Variants in ALDH6A1 observed in about 807,000 individuals in gnomAD.
The protein encoded by ALDH6A1 is aldehyde dehydrogenase 6 family member A1, also known as methylmalonate-semialdehyde/malonate-semialdehyde dehydrogenase [acylating], mitochondrial.
In ALDH6A1, 43 loss-of-function variants were observed where a neutral mutation model predicts 62.6. The observed-to-expected ratio is 0.69, with a 90% CI of 0.54 to 0.89. ALDH6A1 has a LOEUF of 0.89. Ranked by LOEUF, ALDH6A1 falls within the 40% of genes least tolerant of loss-of-function variation. ALDH6A1 has a pLI of 0.00. For synonymous variants in ALDH6A1, 194 were observed against 234.2 expected (o/e 0.83, Z 1.57); for missense variants, 551 against 661.3 (o/e 0.83, Z 1.83).
chr14:74,064,551 G>C, intron 11 of ALDH6A1: 1 of 772,422 alleles, frequency 1.3e-6, no homozygotes, highest in South Asian at 1.5e-5. Context: ...AGATGGGGAA[G>C]AGGGTCACAC....
At chr14:74,069,072 A>G in intron 6 of ALDH6A1, 91 bp from the exon 7 acceptor site, 1 of 1,217,614 alleles carries the variant, frequency 8.2e-7, no homozygotes, top group Admixed American at 2.0e-5. Flanking sequence ...ATGGATTTGA[A>G]GTTTTCCTGT....
At position 74,072,540 on chromosome 14, in the gene ALDH6A1, G is replaced by C. The variant is rs2060564597; in HGVS notation, c.183C>G (p.Asn61Lys). The C allele has an allele frequency of 1.2e-6, 2 of 1,613,980 alleles. No individual in the cohort carries two copies. Among genetic ancestry groups the C allele is most frequent in the Non-Finnish European group, 1.7e-6 (2 of 1,180,040 alleles). The change falls in exon 3 of 12, where the codon AAC becomes AAG. Residue 61 changes from asparagine to lysine, a missense_variant. Asn to Lys is a moderately conservative substitution (Grantham distance 94). Coordinates refer to ENST00000553458, the MANE Select transcript of ALDH6A1 (RefSeq NM_005589.4). The stretch of plus-strand genomic sequence containing the variant: ...GTCCCAAAGCAGCTTCGCTTACTGG[G>C]TTGTGGATATCGATCCATTTGTCAC... Reference protein sequence around the residue: ...SKSDKWIDIHNPATNEVIGRV... With the variant: ...SKSDKWIDIHKPATNEVIGRV...
At position 74,081,937 on chromosome 14, in the gene ALDH6A1, C is replaced by T. The variant is rs147664324; in HGVS notation, c.48+2410G>A. On this transcript the variant is annotated intron_variant, in intron 1 of 11. Coordinates refer to ENST00000553458, the MANE Select transcript of ALDH6A1 (RefSeq NM_005589.4). ...GAGTAATTTTCTTGCCCAGGTGCAG[C>T]GGTTCGTGCCTGTAGTCCCAACACT... Among the ~76,000 whole-genome samples, 1,091 of 152,246 alleles carry T rather than the reference C, an allele frequency of 7.2e-3. 9 individuals carry two copies. Among genetic ancestry groups the T allele is most frequent in the Non-Finnish European group, 0.013 (864 of 68,020 alleles).
intron 1 of ALDH6A1, among the ~76,000 whole-genome samples, chr14:74,082,510 C>T (rs373650859): frequency 6.7e-6 from 1 of 149,748 alleles, no homozygotes; most frequent in African/African-American, 2.5e-5. Flanking sequence ...AGCGATTCTC[C>T]TGCCTCAACT....
intron 1 of ALDH6A1, among the ~76,000 whole-genome samples, chr14:74,077,061 A>T (rs956112165): frequency 6.6e-6 from 1 of 152,166 alleles, no homozygotes; most frequent in African/African-American, 2.4e-5. Flanking sequence ...GGTCCAGCAG[A>T]TAGTCCTTCC....
chr14:74,070,394 C>G (rs769711540), intron 6 of ALDH6A1, among the ~76,000 whole-genome samples: 5 of 152,026 alleles, frequency 3.3e-5, no homozygotes, highest in Non-Finnish European at 7.4e-5. Context: ...TGGCGCATGC[C>G]TGTAATCCCA....
At chr14:74,074,290 T>G (rs2060587097) in intron 2 of ALDH6A1, among the ~76,000 whole-genome samples, 1 of 137,266 alleles carries the variant, frequency 7.3e-6, no homozygotes, top group African/African-American at 2.8e-5. Flanking sequence ...TTCACTAAAT[T>G]TTTTTTTTTT....
In ALDH6A1 at chr14:74,059,754, T is replaced by C. The variant is rs2139717875; in HGVS notation, c.*888A>G. On this transcript the variant is annotated 3_prime_UTR_variant, in exon 12 of 12. Coordinates refer to ENST00000553458, the MANE Select transcript of ALDH6A1 (RefSeq NM_005589.4). Reference sequence around the variant, plus strand: ...AATTAATGGCTGAAGTATTAATTAATGATTGCTGAAGAGAACCCTGAAACT... The same window carrying C: ...AATTAATGGCTGAAGTATTAATTAACGATTGCTGAAGAGAACCCTGAAACT... The C allele has an allele frequency of 5.9e-6, 1 of 169,684 alleles. No homozygotes were observed. The highest frequency in any genetic ancestry group is 1.7e-4 in the East Asian group (1 of 5,794). The allele number at this position is 169,684 out of a possible 1,614,324, so 10.5% of individuals were successfully genotyped here. A position where few individuals can be genotyped will look rare whatever the true frequency, so the allele number is the denominator to read the frequency against.
intron 1 of ALDH6A1, among the ~76,000 whole-genome samples, chr14:74,079,687 C>T (rs2139815905): frequency 6.6e-6 from 1 of 152,236 alleles, no homozygotes; most frequent in East Asian, 1.9e-4. Flanking sequence ...CCGCCTCAGC[C>T]TCCCAAAGTG....
Position 74,057,517 on chromosome 14 carries a change from C to A in ALDH6A1, c.*3125G>T. 7.3e-7 allele frequency: 1 copy of A among 1,369,226 alleles called. No homozygotes were observed. Among genetic ancestry groups the A allele is most frequent in the South Asian group, 1.5e-5 (1 of 67,424 alleles). The allele number at this position is 1,369,226 out of a possible 1,614,324, so 84.8% of individuals were successfully genotyped here. ...TTGCCTTTTGAAGTAAACAGCCTAG[C>A]CAAAATGTGTACTATCTTTTACGTA... On this transcript the variant is annotated 3_prime_UTR_variant, in exon 12 of 12. Transcript: ENST00000553458.
At chr14:74,064,581 C>A in intron 11 of ALDH6A1, 3 of 1,066,052 alleles carry the variant, frequency 2.8e-6, no homozygotes, top group Non-Finnish European at 4.4e-6. Flanking sequence ...ATGGCATATA[C>A]AAAGGCTTAG....
intron 6 of ALDH6A1, 128 bp from the exon 7 acceptor site, chr14:74,069,109 T>TC (rs879085838): frequency 9.1e-7 from 1 of 1,100,920 alleles, no homozygotes; most frequent in Admixed American, 2.7e-5. Flanking sequence ...TTCTTTTTTT[T>TC]TTTTTTTTTT....
chr14:74,071,817 C>A, intron 5 of ALDH6A1, 79 bp downstream of exon 5: 2 of 1,534,566 alleles, frequency 1.3e-6, no homozygotes, highest in Non-Finnish European at 1.8e-6. Context: ...AAGGAAGAAG[C>A]AACCTCCCAT....
At chr14:74,071,845 C>G in intron 5 of ALDH6A1, 51 bp downstream of exon 5, 1 of 1,586,336 alleles carries the variant, frequency 6.3e-7, no homozygotes, top group Non-Finnish European at 8.7e-7. Flanking sequence ...TCTTTGCCTC[C>G]CATCTTCCTT....
chr14:74,074,848 GAA>G lies in ALDH6A1; in HGVS notation c.111+105_111+106del, dbSNP rs2060594946. On this transcript the variant is annotated intron_variant, in intron 2 of 11. Transcript: ENST00000553458. ...ATAATCCAAAAGGAGGAAAAAACTAGAAAGTTTCACATACACTCTGATGACAA... is the reference window on the plus strand; with the variant it reads ...ATAATCCAAAAGGAGGAAAAAACTAGAGTTTCACATACACTCTGATGACAA... The G allele has an allele frequency of 2.5e-6, 3 of 1,192,748 alleles. No individual in the cohort carries two copies. The South Asian group carries it at 3.9e-5, about 16-fold the overall frequency. The allele number at this position is 1,192,748 out of a possible 1,614,324, so 73.9% of individuals were successfully genotyped here.
At position 74,060,735 on chromosome 14, in the gene ALDH6A1, G is replaced by A. The variant is rs2060320451; in HGVS notation, c.1515C>T (p.Phe505=). 3.1e-6 allele frequency: 5 copies of A among 1,611,662 alleles called. No individual in the cohort carries two copies. Among genetic ancestry groups the A allele is most frequent in the Non-Finnish European group, 4.2e-6 (5 of 1,177,816 alleles). ...AAGTAATGGTCTTTAACTGAGTGTA[G>A]AATTGGATGCCCTAAGGAAAACAGA... is the stretch of plus-strand genomic sequence containing the variant. ...TNFYGKQGIQ[F]YTQLKTITSQ... Residue 505 remains phenylalanine (F), a synonymous_variant, in exon 12 of 12, where the codon TTC becomes TTT. Coordinates refer to ENST00000553458, the MANE Select transcript of ALDH6A1 (RefSeq NM_005589.4).
intron 2 of ALDH6A1, 105 bp downstream of exon 2, chr14:74,074,850 A>C (rs2060594990): frequency 8.3e-7 from 1 of 1,201,494 alleles, no homozygotes; most frequent in Non-Finnish European, 1.2e-6. Context: ...AAAAACTAGA[A>C]AGTTTCACAT....
Position 74,072,366 on chromosome 14 carries a change from T to C in ALDH6A1, c.187-2A>G. The stretch of plus-strand genomic sequence containing the variant: ...CCGACCAATGACCTCATTGGTGGCC[T>C]GATGAGAAAAATAAGCACATGATCC... On this transcript the variant is annotated splice_acceptor_variant, in intron 3 of 11. Transcript: ENST00000553458. LOFTEE classifies it high-confidence loss of function. 6.2e-7 allele frequency: 1 copy of C among 1,614,172 alleles called. No homozygotes were observed. Among genetic ancestry groups the C allele is most frequent in the South Asian group, 1.1e-5 (1 of 91,082 alleles).
chr14:74,057,420 A>G lies in ALDH6A1; in HGVS notation c.*3222T>C. The G allele has an allele frequency of 6.6e-7, 1 of 1,521,022 alleles. No individual in the cohort carries two copies. The highest frequency in any genetic ancestry group is 8.8e-7 in the Non-Finnish European group (1 of 1,137,744). The allele number at this position is 1,521,022 out of a possible 1,614,324, so 94.2% of individuals were successfully genotyped here. On this transcript the variant is annotated 3_prime_UTR_variant, in exon 12 of 12. Transcript: ENST00000553458. ...GTAGATTACATAAATTTTTAAAGCA[A>G]TATCCGTACAAATGCATATTATACT... is the stretch of plus-strand genomic sequence containing the variant.
Sources: allele counts gnomAD v4.1 joint callset (sites outside exome capture counted in the v4.1 genomes callset), GRCh38; gene constraint gnomAD v4.1.1; transcripts MANE v1.5; gene names NCBI Gene and HGNC (gene_info 2026-07-23, HGNC 2026-07-21).